Variants in WWC1 observed in about 807,000 individuals in gnomAD.
The protein encoded by WWC1 is protein KIBRA.
A neutral mutation model predicts 138.4 loss-of-function variants in WWC1; 55 were observed. The ratio of observed to expected loss-of-function variants is 0.40; its 90% CI spans 0.32 to 0.50. The LOEUF (loss-of-function observed/expected upper bound fraction) is 0.50. WWC1 is among the 20% of genes least tolerant of loss of function. WWC1 has a pLI of 0.72. For missense variants in WWC1, 1,226 were observed against 1,420.4 expected, an observed-to-expected ratio of 0.86 and a Z score of 2.20; for synonymous variants, 524 against 564.9, an observed-to-expected ratio of 0.93 and a Z score of 1.03.
At chr5:168,339,710 TACTTACATAGTCTAGGTAAC>T (rs991408361) in intron 1 of WWC1, among the ~76,000 whole-genome samples, 1 of 152,230 alleles carries the variant, frequency 6.6e-6, no homozygotes, top group Admixed American at 6.5e-5. Flanking sequence ...AGTATTCAGT[TACTTACATAGTCTAGGTAAC>T]AAACACTTGA....
At chr5:168,446,721 G>A (rs1440068567) in intron 17 of WWC1, among the ~76,000 whole-genome samples, 2 of 152,172 alleles carry the variant, frequency 1.3e-5, no homozygotes, top group East Asian at 3.8e-4. Flanking sequence ...TACTGACTAT[G>A]TGAGGTTACT....
intron 15 of WWC1, among the ~76,000 whole-genome samples, chr5:168,435,449 T>G (rs1782276816): frequency 6.6e-6 from 1 of 152,232 alleles, no homozygotes; most frequent in African/African-American, 2.4e-5. Context: ...CTTGCTTTGT[T>G]GCCCAGGCTG....
intron 17 of WWC1, among the ~76,000 whole-genome samples, chr5:168,445,775 G>T (rs1755203693): frequency 6.6e-6 from 1 of 151,416 alleles, no homozygotes. Context: ...TGGTGTTACT[G>T]GGAATCCAGG....
intron 9 of WWC1, among the ~76,000 whole-genome samples, chr5:168,418,125 A>T (rs1780793267): frequency 6.6e-6 from 1 of 152,024 alleles, no homozygotes; most frequent in Non-Finnish European, 1.5e-5. Flanking sequence ...CCTCATCTTC[A>T]CACAACAGCC....
chr5:168,340,285 A>G (rs1773937699), intron 1 of WWC1, among the ~76,000 whole-genome samples: 1 of 152,164 alleles, frequency 6.6e-6, no homozygotes, highest in South Asian at 2.1e-4. Context: ...CACGTTGGCC[A>G]GGCTGGTCTT....
At chr5:168,352,392 T>G (rs891086713) in intron 1 of WWC1, among the ~76,000 whole-genome samples, 2 of 152,146 alleles carry the variant, frequency 1.3e-5, no homozygotes, top group African/African-American at 2.4e-5. Context: ...TTCCTGATAC[T>G]CCACAAAGTA....
At chr5:168,427,326 C>T (rs1415546933) in intron 11 of WWC1, among the ~76,000 whole-genome samples, 2 of 152,154 alleles carry the variant, frequency 1.3e-5, no homozygotes, top group Non-Finnish European at 2.9e-5. Flanking sequence ...CTTATAATGT[C>T]TCGCTGAGTC....
In WWC1 at chr5:168,470,762, G is replaced by GC. The variant is rs1757640979; in HGVS notation, c.*1746dup. The GC allele has an allele frequency of 6.6e-6, 1 of 152,122 alleles. No individual in the cohort carries two copies. The highest frequency in any genetic ancestry group is 6.6e-5 in the Admixed American group (1 of 15,260). The allele number at this position is 152,122 out of a possible 1,614,324, so 9.4% of individuals were successfully genotyped here. A position where few individuals can be genotyped will look rare whatever the true frequency, so the allele number is the denominator to read the frequency against. ...GGCTTGAACCCAGGAGGCGGAGGTT[G>GC]CGGTGAGCCGAGATGGCGCCATTGA... On this transcript the variant is annotated 3_prime_UTR_variant, in exon 23 of 23. Coordinates refer to ENST00000265293, the MANE Select transcript of WWC1 (RefSeq NM_015238.3).
At chr5:168,427,372 A>T (rs530156070) in intron 11 of WWC1, among the ~76,000 whole-genome samples, 2 of 152,030 alleles carry the variant, frequency 1.3e-5, no homozygotes, top group African/African-American at 4.8e-5. Flanking sequence ...TTATTATCCA[A>T]GTTTTACAAA....
intron 1 of WWC1, among the ~76,000 whole-genome samples, chr5:168,306,168 T>A (rs1395586178): frequency 1.3e-5 from 2 of 151,902 alleles, no homozygotes; most frequent in African/African-American, 4.8e-5. Context: ...GAGGCTGAGG[T>A]GGGCAGATAT....
At chr5:168,455,727 C>G (rs1254166328) in intron 19 of WWC1, among the ~76,000 whole-genome samples, 1 of 152,198 alleles carries the variant, frequency 6.6e-6, no homozygotes. Context: ...GTAATTAGTA[C>G]TTGGTCAATG....
At chr5:168,339,906 T>TC (rs1773863525) in intron 1 of WWC1, among the ~76,000 whole-genome samples, 1 of 80,570 alleles carries the variant, frequency 1.2e-5, no homozygotes, top group African/African-American at 4.9e-5. Context: ...TCTCTCTCTC[T>TC]TTCTCTCTCT....
chr5:168,305,788 A>G (rs140873242), intron 1 of WWC1, among the ~76,000 whole-genome samples: 1 of 152,220 alleles, frequency 6.6e-6, no homozygotes, highest in Non-Finnish European at 1.5e-5. Flanking sequence ...ACAACTAAAA[A>G]TACCCATGCC....
At chr5:168,304,081 T>G (rs963387124) in intron 1 of WWC1, among the ~76,000 whole-genome samples, 1 of 152,182 alleles carries the variant, frequency 6.6e-6, no homozygotes, top group Non-Finnish European at 1.5e-5. Flanking sequence ...TCTCATAGAG[T>G]TAGTAATAAT....
chr5:168,403,079 TTTTCTTTCTTTTCTTTC>T (rs1561712609), intron 5 of WWC1, among the ~76,000 whole-genome samples: 223 of 95,732 alleles, frequency 2.3e-3, no homozygotes, highest in Non-Finnish European at 3.7e-3. Flanking sequence ...TCTTTCTTTC[TTTTCTTTCTTTTCTTTC>T]TTTCTTTCTT....
chr5:168,428,767 C>A lies in WWC1; in HGVS notation c.1980C>A (p.Thr660=). ...ACGAATCGGAAGCAGTGGGTGCGAC[C>A]CGAATTCAGATTGCCCTGAAGTAAG... ...DSDESEAVGA[T]RIQIALKYDE... The change falls in exon 13 of 23, where the codon ACC becomes ACA. Residue 660 remains threonine, a synonymous_variant. Coordinates refer to ENST00000265293, the MANE Select transcript of WWC1 (RefSeq NM_015238.3). The A allele has an allele frequency of 6.2e-7, 1 of 1,613,780 alleles. No homozygotes were observed. The highest frequency in any genetic ancestry group is 1.3e-5 in the African/African-American group (1 of 74,966).
At chr5:168,321,794 C>T (rs866635344) in intron 1 of WWC1, among the ~76,000 whole-genome samples, 2 of 152,238 alleles carry the variant, frequency 1.3e-5, no homozygotes, top group African/African-American at 4.8e-5. Flanking sequence ...GCCTCTGCCT[C>T]CCAAAGTGCT....
chr5:168,403,005 T>C (rs932481755), intron 5 of WWC1, among the ~76,000 whole-genome samples: 12 of 121,490 alleles, frequency 9.9e-5, no homozygotes, highest in African/African-American at 2.9e-4. Flanking sequence ...CTGTTGTTTC[T>C]TTTTCTTTCT....
intron 3 of WWC1, among the ~76,000 whole-genome samples, chr5:168,392,472 A>C (rs1250899319): frequency 6.6e-6 from 1 of 152,186 alleles, no homozygotes; most frequent in Admixed American, 6.5e-5. Context: ...GGATCACTTG[A>C]AGCCAAGAGT....
Sources: gnomAD v4.1 joint callset for allele counts (sites outside exome capture counted in the v4.1 genomes callset) on GRCh38, gnomAD v4.1.1 for gene constraint, MANE v1.5 for transcripts, NCBI Gene and HGNC (gene_info 2026-07-23, HGNC 2026-07-21) for gene names.